Variants in PAK4 observed in about 807,000 individuals in gnomAD.
PAK4 encodes serine/threonine-protein kinase PAK 4.
In PAK4, 49 loss-of-function variants were observed where a neutral mutation model predicts 53.5. That is an observed-to-expected ratio of 0.92 (90% confidence interval 0.73 to 1.16). The LOEUF (loss-of-function observed/expected upper bound fraction) is 1.16. Ranked by LOEUF, PAK4 falls within the 50% of genes most tolerant of loss-of-function variation. The pLI is 0.00. For synonymous variants in PAK4, 376 were observed against 375.6 expected (o/e 1.00, Z -0.01); for missense variants, 824 against 850.7 (o/e 0.97, Z 0.39).
At chr19:39,140,591 C>G (rs949855688) in intron 1 of PAK4, among the ~76,000 whole-genome samples, 1 of 152,164 alleles carries the variant, frequency 6.6e-6, no homozygotes, top group African/African-American at 2.4e-5. Context: ...GCTAGAAAGG[C>G]GAATATTACA....
In PAK4 at chr19:39,178,489, G is replaced by T; in HGVS notation, c.1686G>T (p.Thr562=). The T allele has an allele frequency of 6.2e-7, 1 of 1,611,758 alleles. No individual in the cohort carries two copies. The highest frequency in any genetic ancestry group is 8.5e-7 in the Non-Finnish European group (1 of 1,179,448). ...TGCGAGACCCTGCCCAGCGGGCCAC[G>T]GCAGCCGAGCTGCTGAAGCACCCAT... Residue 562 remains threonine (T), a synonymous_variant, in exon 9 of 9, where the codon ACG becomes ACT. Transcript: ENST00000358301. This position sits in a 1 kb window ranked among gnomAD's most constrained non-coding sequence, Gnocchi z 4.4.
At chr19:39,134,582 A>G (rs2073775595) in intron 1 of PAK4, among the ~76,000 whole-genome samples, 1 of 151,610 alleles carries the variant, frequency 6.6e-6, no homozygotes, top group South Asian at 2.1e-4. Context: ...GTAGTCATTC[A>G]TCTTTGTTGC....
intron 1 of PAK4, among the ~76,000 whole-genome samples, chr19:39,158,549 A>G (rs949423266): frequency 6.6e-6 from 1 of 152,066 alleles, no homozygotes; most frequent in Non-Finnish European, 1.5e-5. Context: ...GTCCATCCCC[A>G]CCCTGAGTAC....
intron 1 of PAK4, among the ~76,000 whole-genome samples, chr19:39,169,251 G>T (rs542063237): frequency 2.0e-4 from 30 of 152,032 alleles, no homozygotes; most frequent in African/African-American, 2.4e-4. Context: ...GGTCTCCAGG[G>T]GGGGTGAGAA....
chr19:39,177,541 C>T, intron 7 of PAK4, 134 bp from the exon 9 acceptor site: 1 of 938,904 alleles, frequency 1.1e-6, no homozygotes, highest in South Asian at 2.2e-5. Context: ...GGCTGGGTGC[C>T]CAAGAGGGAG....
intron 1 of PAK4, among the ~76,000 whole-genome samples, chr19:39,127,624 G>A (rs2073613105): frequency 6.6e-6 from 1 of 152,122 alleles, no homozygotes; most frequent in Non-Finnish European, 1.5e-5. Context: ...TGGGAGTGTG[G>A]CAGGGGACGA....
chr19:39,153,492 A>G (rs569311192), intron 1 of PAK4, among the ~76,000 whole-genome samples: 1 of 152,138 alleles, frequency 6.6e-6, no homozygotes, highest in Non-Finnish European at 1.5e-5. Context: ...CCCAGGCTGG[A>G]GTGCAGCGGC....
At chr19:39,152,379 G>C (rs2074107252) in intron 1 of PAK4, 1 of 152,160 alleles carries the variant, frequency 6.6e-6, no homozygotes, top group African/African-American at 2.4e-5. Flanking sequence ...CCGTATCACA[G>C]TGCTTATGTT....
chr19:39,168,299 CCAGGTGTGTG>C (rs201679547), intron 1 of PAK4: 2,217 of 152,374 alleles, frequency 0.015, 54 homozygotes, highest in African/African-American at 0.051. Flanking sequence ...CAGCATCAGA[CCAGGTGTGTG>C]CAGGTGTGTG....
downstream of PAK4, chr19:39,179,877 G>A (rs1248071595): frequency 2.6e-5 from 4 of 152,234 alleles, no homozygotes; most frequent in African/African-American, 9.6e-5. Context: ...GCCCAGAGCC[G>A]AGCCCACGCT....
At chr19:39,180,289 G>C (rs2074686974), downstream of PAK4, 1 of 152,102 alleles carries the variant, frequency 6.6e-6, no homozygotes, top group Non-Finnish European at 1.5e-5. Context: ...CGATGTATTG[G>C]AGGCTTAGGT....
chr19:39,173,128 G>A lies in PAK4; in HGVS notation c.415G>A (p.Ala139Thr), dbSNP rs35655056. 31,635 of 1,546,794 alleles carry A rather than the reference G, an allele frequency of 0.02. 443 individuals are homozygous for A. The highest frequency in any genetic ancestry group is 0.023 in the Non-Finnish European group (26,184 of 1,145,150). The change falls in exon 3 of 9, where the codon GCC becomes ACC. Residue 139 changes from alanine to threonine, a missense_variant. By Grantham distance (58) the Ala-to-Thr change is moderately conservative. This residue lies in a region of PAK4 where 478 missense variants were observed against 435.8 expected (regional missense o/e 1.10). Transcript: ENST00000358301. This position sits in a 1 kb window ranked among gnomAD's most constrained non-coding sequence, Gnocchi z 6.9. The stretch of plus-strand genomic sequence containing the variant: ...GAAGGCAGGCAGCCGAGGCCGGTTC[G>A]CCGGTCACAGCGAGGCGGGTGGCGG...
chr19:39,167,501 G>A (rs866583342), intron 1 of PAK4, among the ~76,000 whole-genome samples: 3 of 152,096 alleles, frequency 2.0e-5, no homozygotes, highest in African/African-American at 7.2e-5. Context: ...CACTCAGGGC[G>A]CCAGCATTGG....
intron 2 of PAK4, 126 bp from the exon 4 acceptor site, chr19:39,172,792 A>G (rs1016825278): frequency 3.7e-6 from 3 of 806,500 alleles, no homozygotes; most frequent in Non-Finnish European, 3.9e-6. Flanking sequence ...ACTCCATGGC[A>G]TCTCTTCATT....
At chr19:39,141,182 C>G (rs548280498) in intron 1 of PAK4, among the ~76,000 whole-genome samples, 1 of 152,324 alleles carries the variant, frequency 6.6e-6, no homozygotes, top group East Asian at 1.9e-4. Flanking sequence ...GTGGCCAGGC[C>G]TTGTCGCCTG....
At chr19:39,182,752 G>A (rs533994934), downstream of PAK4, 17 of 152,114 alleles carry the variant, frequency 1.1e-4, no homozygotes, top group Admixed American at 7.9e-4. Context: ...CCAGGAGGCA[G>A]AGGTTTCAGT....
intron 4 of PAK4, among the ~76,000 whole-genome samples, chr19:39,174,232 C>T (rs986834959): frequency 2.0e-5 from 3 of 151,870 alleles, no homozygotes; most frequent in African/African-American, 7.3e-5. Flanking sequence ...GCCCCAGACC[C>T]AGGGTTCCTC....
At chr19:39,177,807 A>G (rs778929736) in exon 8 of PAK4, 23 of 1,607,520 alleles carry the variant, frequency 1.4e-5, no homozygotes. Context: ...GAACCTGCAC[A>G]AGGTAGGCCC....
At chr19:39,142,683 T>C (rs1318127387) in intron 1 of PAK4, among the ~76,000 whole-genome samples, 1 of 152,218 alleles carries the variant, frequency 6.6e-6, no homozygotes, top group African/African-American at 2.4e-5. Context: ...TGAGAGCTGC[T>C]GCCACCCACC....
Sources: allele counts gnomAD v4.1 joint callset (sites outside exome capture counted in the v4.1 genomes callset), GRCh38; gene constraint gnomAD v4.1.1; regional missense constraint gnomAD v4.1.1; non-coding constraint Gnocchi (gnomAD v3.1); transcripts MANE v1.5; gene names NCBI Gene and HGNC (gene_info 2026-07-23, HGNC 2026-07-21).